Variants in SKIL observed in about 807,000 individuals in gnomAD.
SKIL encodes the protein SKI like proto-oncogene, also known as ski-like protein.
In SKIL, 20 loss-of-function variants were observed where a neutral mutation model predicts 69.6. The ratio of observed to expected loss-of-function variants is 0.29; its 90% CI spans 0.20 to 0.42. The LOEUF (loss-of-function observed/expected upper bound fraction) is 0.42. Among genes scored for constraint, SKIL ranks in the 10% least tolerant of loss-of-function variants. SKIL has a pLI of 1.00. For missense variants in SKIL, 745 were observed against 783.1 expected, an observed-to-expected ratio of 0.95 and a Z score of 0.58; for synonymous variants, 310 against 279.9, an observed-to-expected ratio of 1.11 and a Z score of -1.08.
intron 2 of SKIL, among the ~76,000 whole-genome samples, chr3:170,368,966 T>C (rs1284584576): frequency 2.0e-5 from 3 of 152,188 alleles, no homozygotes; most frequent in Non-Finnish European, 4.4e-5. Context: ...GATAAGGTTT[T>C]GTTTAGTGCC....
At chr3:170,368,632 GTCC>G (rs1466419582) in intron 2 of SKIL, among the ~76,000 whole-genome samples, 2 of 152,082 alleles carry the variant, frequency 1.3e-5, no homozygotes, top group African/African-American at 4.8e-5. Context: ...TATTTGAGGA[GTCC>G]TCCTTTCCTC....
In SKIL at chr3:170,361,030, A is replaced by T; in HGVS notation, c.699A>T (p.Leu233Phe). Reference protein sequence around the residue: ...LTDAQRLCNALLRPRTFPQNG... With the variant: ...LTDAQRLCNAFLRPRTFPQNG... ...ATGCACAAAGATTATGTAATGCTTT[A>T]TTGCGGCCACGAACTTTTCCTCAAA... The change falls in exon 2 of 7, where the codon TTA becomes TTT. Residue 233 changes from leucine to phenylalanine, a missense_variant. Transcript: ENST00000259119. 1.2e-6 allele frequency: 2 copies of T among 1,614,210 alleles called. No individual in the cohort carries two copies. Among genetic ancestry groups the T allele is most frequent in the South Asian group, 2.2e-5 (2 of 91,088 alleles).
At chr3:170,384,210 C>T (rs1009048925) in intron 3 of SKIL, among the ~76,000 whole-genome samples, 2 of 151,960 alleles carry the variant, frequency 1.3e-5, no homozygotes, top group Non-Finnish European at 2.9e-5. Context: ...TATGTGTGGT[C>T]CCAGCTACCT....
At chr3:170,380,881 A>G (rs1290373665) in intron 2 of SKIL, among the ~76,000 whole-genome samples, 1 of 152,134 alleles carries the variant, frequency 6.6e-6, no homozygotes, top group East Asian at 1.9e-4. Flanking sequence ...CAGTGGTGCA[A>G]TCATGGTTCA....
intron 2 of SKIL, among the ~76,000 whole-genome samples, chr3:170,377,202 C>T (rs1243940567): frequency 6.6e-6 from 1 of 151,432 alleles, no homozygotes; most frequent in Non-Finnish European, 1.5e-5. Context: ...TGCCCAGATT[C>T]TGAATATTAG....
intron 2 of SKIL, among the ~76,000 whole-genome samples, chr3:170,368,855 A>C (rs933035406): frequency 3.3e-5 from 5 of 152,216 alleles, no homozygotes; most frequent in Non-Finnish European, 5.9e-5. Context: ...CTTGTTACCC[A>C]AAAAGATACA....
Position 170,361,308 on chromosome 3 carries a change from A to G in SKIL, c.977A>G (p.His326Arg), listed in dbSNP as rs1025963831. Residue 326 changes from histidine (H) to arginine (R), a missense_variant, in exon 2 of 7, where the codon CAT becomes CGT. Physicochemically the swap from His to Arg is conservative, Grantham distance 29. Coordinates refer to ENST00000259119, the MANE Select transcript of SKIL (RefSeq NM_005414.5). ...CHWGFESAKW[H>R]CYLHVNQKYL... ...TGGGGCTTTGAATCAGCTAAATGGC[A>G]TTGCTATCTTCATGTGAACCAAAAA... 6 of 1,614,044 alleles carry G rather than the reference A, an allele frequency of 3.7e-6. No individual in the cohort carries two copies. The highest frequency in any genetic ancestry group is 1.3e-5 in the African/African-American group (1 of 74,950).
Position 170,394,449 on chromosome 3 carries a change from T to C in SKIL, c.*2032T>C, listed in dbSNP as rs1204449360. ...TTTGGAAGACAAACTCAAACACCTA[T>C]AATTTCATTTATATTTCTAATTCAC... On this transcript the variant is annotated 3_prime_UTR_variant, in exon 7 of 7. Transcript: ENST00000259119. 2 of 152,192 alleles carry C rather than the reference T, an allele frequency of 1.3e-5. No homozygotes were observed. Among genetic ancestry groups the C allele is most frequent in the Non-Finnish European group, 2.9e-5 (2 of 68,032 alleles). The allele number at this position is 152,192 out of a possible 1,614,324, so 9.4% of individuals were successfully genotyped here. A position where few individuals can be genotyped will look rare whatever the true frequency, so the allele number is the denominator to read the frequency against.
At chr3:170,389,915 G>A (rs1425420164) in intron 4 of SKIL, among the ~76,000 whole-genome samples, 1 of 152,146 alleles carries the variant, frequency 6.6e-6, no homozygotes, top group African/African-American at 2.4e-5. Flanking sequence ...AAAATCCAGT[G>A]GGGATTTTGA....
At chr3:170,371,104 C>G (rs1380679327) in intron 2 of SKIL, among the ~76,000 whole-genome samples, 2 of 152,176 alleles carry the variant, frequency 1.3e-5, no homozygotes, top group African/African-American at 4.8e-5. Flanking sequence ...ACAATTTCCT[C>G]ATAATTGCAC....
At chr3:170,384,274 G>C (rs994898945) in intron 3 of SKIL, among the ~76,000 whole-genome samples, 6 of 152,060 alleles carry the variant, frequency 3.9e-5, no homozygotes, top group African/African-American at 1.4e-4. Flanking sequence ...GTTACAGTGA[G>C]CCATGATCAT....
In SKIL at chr3:170,360,125, T is replaced by C. The variant is rs1008985113; in HGVS notation, c.-207T>C. 4 of 468,462 alleles carry C rather than the reference T, an allele frequency of 8.5e-6. No homozygotes were observed. Among genetic ancestry groups the C allele is most frequent in the Admixed American group, 3.8e-5 (1 of 25,990 alleles). The allele number at this position is 468,462 out of a possible 1,614,324, so 29.0% of individuals were successfully genotyped here. On this transcript the variant is annotated 5_prime_UTR_variant, in exon 2 of 7. Transcript: ENST00000259119. ...TTATTAGAGGCAAAACGAACAATTT[T>C]ATAGGATTTGTAGTGAAATTATACC...
chr3:170,377,353 C>T (rs1432739845), intron 2 of SKIL, among the ~76,000 whole-genome samples: 1 of 147,608 alleles, frequency 6.8e-6, no homozygotes, highest in African/African-American at 2.5e-5. Context: ...TTCTCCTGTC[C>T]TCCTAAAGTG....
At chr3:170,378,878 TTTA>T (rs869215745) in intron 2 of SKIL, among the ~76,000 whole-genome samples, 2,962 of 150,408 alleles carry the variant, frequency 0.02, 71 homozygotes, top group Middle Eastern at 0.068. Context: ...TATTTATTTA[TTTA>T]TTTTTTTTAT....
intron 4 of SKIL, among the ~76,000 whole-genome samples, chr3:170,389,967 C>T (rs1344992616): frequency 6.6e-6 from 1 of 152,192 alleles, no homozygotes; most frequent in Non-Finnish European, 1.5e-5. Flanking sequence ...GAGACTATTA[C>T]TGTCTTAACA....
At chr3:170,375,132 A>T (rs1357499380) in intron 2 of SKIL, among the ~76,000 whole-genome samples, 3 of 152,222 alleles carry the variant, frequency 2.0e-5, no homozygotes, top group Non-Finnish European at 4.4e-5. Flanking sequence ...GAGGCTGCGT[A>T]GCCACTTAAC....
rs3772173 is a variant in SKIL, at chr3:170,360,444, C to T, written c.113C>T (p.Ala38Val). 1,279,420 of 1,613,278 alleles carry T rather than the reference C, an allele frequency of 0.79. 511,721 individuals carry two copies. The highest frequency in any genetic ancestry group is 0.86 in the East Asian group (38,494 of 44,876). The change falls in exon 2 of 7, where the codon GCA becomes GTA. Residue 38 changes from alanine to valine, a missense_variant. Coordinates refer to ENST00000259119, the MANE Select transcript of SKIL (RefSeq NM_005414.5). ...AAAAAAATGATAACGGACATTCATG[C>T]AAATGGAAAAACGATAAACAAGGTG... Reference protein sequence around the residue: ...PAKKMITDIHANGKTINKVPT... With the variant: ...PAKKMITDIHVNGKTINKVPT...
At chr3:170,358,085 C>A (rs1462634890) in intron 1 of SKIL, among the ~76,000 whole-genome samples, 3 of 152,174 alleles carry the variant, frequency 2.0e-5, no homozygotes, top group African/African-American at 7.2e-5. Context: ...CACCGCCCCC[C>A]TCCCCCAGTC....
At chr3:170,369,280 AAAAAG>A (rs1349217741) in intron 2 of SKIL, among the ~76,000 whole-genome samples, 1 of 152,172 alleles carries the variant, frequency 6.6e-6, no homozygotes, top group African/African-American at 2.4e-5. Context: ...AAGAAAAACA[AAAAAG>A]AGATGGCCGT....
Sources: allele counts gnomAD v4.1 joint callset (sites outside exome capture counted in the v4.1 genomes callset), GRCh38; gene constraint gnomAD v4.1.1; transcripts MANE v1.5; gene names NCBI Gene and HGNC (gene_info 2026-07-23, HGNC 2026-07-21).